OPCML: variants seen among roughly 807,000 people sequenced by gnomAD.
OPCML encodes opioid binding protein/cell adhesion molecule like.
In OPCML, 13 loss-of-function variants were observed where a neutral mutation model predicts 37.8. That is an observed-to-expected ratio of 0.34 (90% confidence interval 0.22 to 0.55). The LOEUF is 0.55. Ranked by LOEUF, OPCML falls within the 20% of genes least tolerant of loss-of-function variation. OPCML has a pLI of 0.91. For missense variants in OPCML, 341 were observed against 435.6 expected (o/e 0.78, Z 1.93); for synonymous variants, 176 against 168.8 (o/e 1.04, Z -0.33).
chr11:133,171,621 G>A (rs1043080328), intron 1 of OPCML, among the ~76,000 whole-genome samples: 1 of 152,210 alleles, frequency 6.6e-6, no homozygotes, highest in Non-Finnish European at 1.5e-5. Context: ...TCTGATGCCG[G>A]GTTGTCTGGG....
chr11:133,056,372 T>A lies in OPCML; in HGVS notation c.62-113362A>T, dbSNP rs191138397. Among the ~76,000 whole-genome samples, 7 of 152,114 alleles carry A rather than the reference T, an allele frequency of 4.6e-5. No individual in the cohort carries two copies. In the East Asian group the frequency reaches 1.4e-3, roughly 29 times the overall value. ...CATCTGAATCCATACCTGCTTAGAGTCTCTGGGGAATTGGAAATCAATCAG... is the reference window on the plus strand; with the variant it reads ...CATCTGAATCCATACCTGCTTAGAGACTCTGGGGAATTGGAAATCAATCAG... On this transcript the variant is annotated intron_variant, in intron 1 of 7. Coordinates refer to ENST00000524381, the MANE Select transcript of OPCML (RefSeq NM_001012393.5).
At chr11:133,376,631 G>T (rs944095529) in intron 1 of OPCML, among the ~76,000 whole-genome samples, 1 of 152,138 alleles carries the variant, frequency 6.6e-6, no homozygotes, top group African/African-American at 2.4e-5. Flanking sequence ...GAACAGTGAT[G>T]ATTGCCTGCA....
At chr11:133,459,274 A>G (rs1257843418) in intron 1 of OPCML, among the ~76,000 whole-genome samples, 1 of 152,128 alleles carries the variant, frequency 6.6e-6, no homozygotes, top group African/African-American at 2.4e-5. Context: ...ACTATAAAAA[A>G]TCAAGTAAAC....
chr11:132,467,064 A>G (rs1457644777), intron 4 of OPCML, among the ~76,000 whole-genome samples: 1 of 152,212 alleles, frequency 6.6e-6, no homozygotes, highest in Non-Finnish European at 1.5e-5. Context: ...AATCGAGCTG[A>G]TGCAGTTTAA....
At chr11:133,050,719 CCTTTT>C (rs960726551) in intron 1 of OPCML, among the ~76,000 whole-genome samples, 2 of 52,522 alleles carry the variant, frequency 3.8e-5, no homozygotes, top group Non-Finnish European at 8.6e-5. Context: ...TCTTCTTCTT[CCTTTT>C]TTTTTTTTTT....
chr11:132,961,732 A>G (rs1946097424), intron 1 of OPCML, among the ~76,000 whole-genome samples: 1 of 152,192 alleles, frequency 6.6e-6, no homozygotes, highest in Non-Finnish European at 1.5e-5. Flanking sequence ...CCTCTTTCAG[A>G]TGTTAATAGC....
At chr11:132,740,918 C>T (rs531426475) in intron 2 of OPCML, among the ~76,000 whole-genome samples, 22 of 152,190 alleles carry the variant, frequency 1.4e-4, no homozygotes, top group Non-Finnish European at 2.8e-4. Context: ...TTTGATATAA[C>T]GGTATGCAGC....
Position 132,943,442 on chromosome 11 carries a change from C to T in OPCML, c.62-432G>A, listed in dbSNP as rs1945654677. ...GCTTTCTCTGCCTCTCTCTTCGAGA[C>T]GCTACTTTAAGATTCAGTTGGGCAC... On this transcript the variant is annotated intron_variant, in intron 1 of 7. Transcript: ENST00000524381. This position sits in a 1 kb window ranked among gnomAD's most constrained non-coding sequence, Gnocchi z 4.3. 3.0e-6 allele frequency: 1 copy of T among 337,928 alleles called. No homozygotes were observed. Among genetic ancestry groups the T allele is most frequent in the Non-Finnish European group, 5.6e-6 (1 of 178,944 alleles). 20.9% of individuals were successfully genotyped at this position (337,928 alleles called of 1,614,324 possible). A position where few individuals can be genotyped will look rare whatever the true frequency, so the allele number is the denominator to read the frequency against.
intron 1 of OPCML, among the ~76,000 whole-genome samples, chr11:133,431,543 G>A (rs1281453908): frequency 1.3e-5 from 2 of 152,120 alleles, no homozygotes; most frequent in Non-Finnish European, 2.9e-5. Flanking sequence ...TCAGCTCACC[G>A]CAACCTCCGC....
chr11:132,666,624 G>C (rs779043189), intron 2 of OPCML, among the ~76,000 whole-genome samples: 1 of 152,196 alleles, frequency 6.6e-6, no homozygotes, highest in Non-Finnish European at 1.5e-5. Flanking sequence ...ATAATTGTTA[G>C]ATTAACAGAC....
intron 2 of OPCML, among the ~76,000 whole-genome samples, chr11:132,934,355 A>T (rs1945305185): frequency 6.6e-6 from 1 of 152,130 alleles, no homozygotes; most frequent in Admixed American, 6.5e-5. Flanking sequence ...CAAGAGGGAG[A>T]TTTACAGCTG....
chr11:132,797,702 A>G (rs1938409674), intron 2 of OPCML, among the ~76,000 whole-genome samples: 1 of 152,216 alleles, frequency 6.6e-6, no homozygotes, highest in African/African-American at 2.4e-5. Context: ...TACTTTATTG[A>G]TCTCTATCAA....
At chr11:133,077,712 C>T (rs1591979738) in intron 1 of OPCML, among the ~76,000 whole-genome samples, 2 of 152,064 alleles carry the variant, frequency 1.3e-5, no homozygotes, top group East Asian at 3.9e-4. Flanking sequence ...GGGATGAATA[C>T]TTTGTTTCTA....
chr11:133,435,763 T>A (rs1946220489), intron 1 of OPCML, among the ~76,000 whole-genome samples: 1 of 152,226 alleles, frequency 6.6e-6, no homozygotes, highest in South Asian at 2.1e-4. Flanking sequence ...TATCTCTGAC[T>A]TTGTTTGCAA....
chr11:133,375,102 T>C (rs187370834), intron 1 of OPCML, among the ~76,000 whole-genome samples: 196 of 152,288 alleles, frequency 1.3e-3, no homozygotes, highest in Admixed American at 0.011. Context: ...TTCTCCATCT[T>C]TACATATTCC....
rs11284432 is a variant in OPCML at position 132,843,611 on chromosome 11, C to CA, written c.146+99314dup. ...TGGCATCTGAAACAGAGCCTGGCAC[C>CA]AAAAAAAAAAAAAAATCAATTGATA... On this transcript the variant is annotated intron_variant, in intron 2 of 7. Coordinates refer to ENST00000524381, the MANE Select transcript of OPCML (RefSeq NM_001012393.5). Among the ~76,000 whole-genome samples the CA allele has an allele frequency of 8.5e-4, 123 of 144,582 alleles. 1 individual carries two copies. In the East Asian group the frequency reaches 0.01, roughly 12 times the overall value. 94.9% of individuals were successfully genotyped at this position (144,582 alleles called of 152,430 possible). A position where few individuals can be genotyped will look rare whatever the true frequency, so the allele number is the denominator to read the frequency against.
chr11:133,488,037 T>C (rs913793523), intron 1 of OPCML, among the ~76,000 whole-genome samples: 1 of 152,084 alleles, frequency 6.6e-6, no homozygotes, highest in African/African-American at 2.4e-5. Flanking sequence ...ATCATTTCAA[T>C]AGATGCAGAA....
At chr11:133,273,122 G>A (rs1776238869) in intron 1 of OPCML, among the ~76,000 whole-genome samples, 1 of 152,164 alleles carries the variant, frequency 6.6e-6, no homozygotes, top group African/African-American at 2.4e-5. Flanking sequence ...CCCACTGAAA[G>A]TGGATGTCCC....
At chr11:133,326,394 G>C (rs1943455385) in intron 1 of OPCML, among the ~76,000 whole-genome samples, 1 of 142,058 alleles carries the variant, frequency 7.0e-6, no homozygotes, top group South Asian at 2.3e-4. Context: ...GTATGTATAA[G>C]TGTGTGGAAA....
Sources: gnomAD v4.1 joint callset for allele counts (sites outside exome capture counted in the v4.1 genomes callset) on GRCh38, gnomAD v4.1.1 for gene constraint, Gnocchi (gnomAD v3.1) non-coding constraint, MANE v1.5 for transcripts, NCBI Gene and HGNC (gene_info 2026-07-23, HGNC 2026-07-21) for gene names.